MGAT4A: variants seen among roughly 807,000 people sequenced by gnomAD.
MGAT4A encodes alpha-1,3-mannosyl-glycoprotein 4-beta-N-acetylglucosaminyltransferase A, also known as N-acetylglucosaminyltransferase IVa.
MGAT4A carries 33 observed loss-of-function variants against 74.1 expected under a neutral mutation model. The ratio of observed to expected loss-of-function variants is 0.45; its 90% CI spans 0.34 to 0.60. The LOEUF is 0.60. Among genes scored for constraint, MGAT4A ranks in the 20% least tolerant of loss-of-function variants. The pLI is 0.02. For missense variants in MGAT4A, 479 were observed against 628.3 expected, an observed-to-expected ratio of 0.76 and a Z score of 2.54; for synonymous variants, 198 against 210.4, an observed-to-expected ratio of 0.94 and a Z score of 0.51.
chr2:98,658,561 G>A (rs545150895), intron 5 of MGAT4A, among the ~76,000 whole-genome samples: 1 of 152,216 alleles, frequency 6.6e-6, no homozygotes, highest in East Asian at 1.9e-4. Context: ...ATTGTGAATA[G>A]CATTAGTGAC....
Position 98,622,042 on chromosome 2 carries a change from C to T in MGAT4A, c.*3524G>A. 3 of 985,636 alleles carry T rather than the reference C, an allele frequency of 3.0e-6. No homozygotes were observed. The highest frequency in any genetic ancestry group is 3.6e-6 in the Non-Finnish European group (3 of 830,114). 61.1% of individuals were successfully genotyped at this position (985,636 alleles called of 1,614,324 possible). ...TCTGTTCTGACTACACAGTATGGTA[C>T]AGCGCGTGATGTGGAGAATGCATGA... On this transcript the variant is annotated 3_prime_UTR_variant, in exon 16 of 16. Transcript: ENST00000393487.
At chr2:98,688,129 A>G (rs1702151830) in intron 2 of MGAT4A, among the ~76,000 whole-genome samples, 1 of 152,118 alleles carries the variant, frequency 6.6e-6, no homozygotes, top group African/African-American at 2.4e-5. Context: ...CGCCGCACCC[A>G]AATTTAGCTA....
At position 98,623,907 on chromosome 2, in the gene MGAT4A, T is replaced by C; in HGVS notation, c.*1659A>G. Reference sequence around the variant, plus strand: ...GCTAGGCCCCAGCCAGTGGTCACTCTGAAAGCTCAGCAGAATCCATCTCTG... The same window carrying C: ...GCTAGGCCCCAGCCAGTGGTCACTCCGAAAGCTCAGCAGAATCCATCTCTG... On this transcript the variant is annotated 3_prime_UTR_variant, in exon 16 of 16. Coordinates refer to ENST00000393487, the MANE Select transcript of MGAT4A (RefSeq NM_012214.3). 1.0e-6 allele frequency: 1 copy of C among 985,474 alleles called. No individual in the cohort carries two copies. Among genetic ancestry groups the C allele is most frequent in the Non-Finnish European group, 1.2e-6 (1 of 829,968 alleles). The allele number at this position is 985,474 out of a possible 1,614,324, so 61.0% of individuals were successfully genotyped here.
chr2:98,700,053 C>T lies in MGAT4A; in HGVS notation c.95-21582G>A, dbSNP rs1702330058. Reference sequence around the variant, plus strand: ...CTTCTGCAAGCTATAACCAGATATCCTCTCATACCCAAACCTCATGATTCC... The same window carrying T: ...CTTCTGCAAGCTATAACCAGATATCTTCTCATACCCAAACCTCATGATTCC... On this transcript the variant is annotated intron_variant, in intron 2 of 15. Transcript: ENST00000393487. Among the ~76,000 whole-genome samples the T allele has an allele frequency of 2.0e-5, 3 of 152,074 alleles. No individual in the cohort carries two copies. In the South Asian group the frequency reaches 6.2e-4, roughly 32 times the overall value.
At position 98,644,005 on chromosome 2, in the gene MGAT4A, A is replaced by T; in HGVS notation, c.938T>A (p.Phe313Tyr). 1 of 1,606,090 alleles carries T rather than the reference A, an allele frequency of 6.2e-7. No individual in the cohort carries two copies. Among genetic ancestry groups the T allele is most frequent in the Non-Finnish European group, 8.5e-7 (1 of 1,174,326 alleles). ...AATGGGTTTCTCCTTGTAAAACATG[A>T]ATATGAATTCTACAATCAGAGTAAG... is the stretch of plus-strand genomic sequence containing the variant. ...PDLTLIVEFI[F>Y]MFYKEKPIDW... The change falls in exon 10 of 16, where the codon TTC (phenylalanine) becomes TAC (tyrosine). Residue 313 changes from phenylalanine (F) to tyrosine (Y), a missense_variant. Transcript: ENST00000393487.
intron 8 of MGAT4A, among the ~76,000 whole-genome samples, chr2:98,651,071 A>AAGAAAG (rs1701571549): frequency 6.6e-6 from 1 of 150,670 alleles, no homozygotes; most frequent in African/African-American, 2.4e-5. Flanking sequence ...TCTCAAAAAA[A>AAGAAAG]AAAGAAAGAA....
intron 2 of MGAT4A, among the ~76,000 whole-genome samples, chr2:98,683,046 C>A (rs1454268987): frequency 6.6e-6 from 1 of 151,646 alleles, no homozygotes; most frequent in Non-Finnish European, 1.5e-5. Flanking sequence ...CGAGATCGCG[C>A]CACTGCACTC....
intron 8 of MGAT4A, among the ~76,000 whole-genome samples, chr2:98,648,562 A>AG (rs1160022880): frequency 1.3e-5 from 2 of 151,784 alleles, no homozygotes; most frequent in Non-Finnish European, 2.9e-5. Context: ...AAGTAAAAAA[A>AG]AAAAAAATTA....
chr2:98,672,840 C>T (rs1292831532), intron 4 of MGAT4A, among the ~76,000 whole-genome samples: 1 of 152,044 alleles, frequency 6.6e-6, no homozygotes, highest in East Asian at 1.9e-4. Flanking sequence ...TCTAACGGAT[C>T]CTTTGATAAT....
intron 2 of MGAT4A, among the ~76,000 whole-genome samples, chr2:98,707,623 G>A (rs1217564735): frequency 1.3e-5 from 2 of 152,172 alleles, no homozygotes; most frequent in Non-Finnish European, 2.9e-5. Flanking sequence ...CCAGTCTCAT[G>A]AGAGCTAAAA....
rs182193794 is a variant in MGAT4A, at chr2:98,635,248, C to A, written c.1442G>T (p.Arg481Leu). The change falls in exon 14 of 16, where the codon CGA becomes CTA. Residue 481 changes from arginine to leucine, a missense_variant. Arg to Leu is a moderately radical substitution (Grantham distance 102, BLOSUM62 -2). Transcript: ENST00000393487. Reference protein sequence around the residue: ...LEISKETKDKRLEDGYFRIGK... With the variant: ...LEISKETKDKLLEDGYFRIGK... Reference sequence around the variant, plus strand: ...TATTCTGAAATAGCCATCTTCTAATCGTTTGTCTTTGGTTTCTTTGCTTAT... The same window carrying A: ...TATTCTGAAATAGCCATCTTCTAATAGTTTGTCTTTGGTTTCTTTGCTTAT... 3.7e-6 allele frequency: 6 copies of A among 1,609,332 alleles called. No homozygotes were observed. Among genetic ancestry groups the A allele is most frequent in the African/African-American group, 1.3e-5 (1 of 74,670 alleles).
chr2:98,702,477 G>C (rs1702367542), intron 2 of MGAT4A, among the ~76,000 whole-genome samples: 1 of 152,236 alleles, frequency 6.6e-6, no homozygotes, highest in Non-Finnish European at 1.5e-5. Flanking sequence ...ATCCCAGGTG[G>C]ACTGGAGGCT....
At chr2:98,665,201 C>A (rs1256394017) in intron 4 of MGAT4A, among the ~76,000 whole-genome samples, 2 of 151,690 alleles carry the variant, frequency 1.3e-5, no homozygotes, top group Non-Finnish European at 2.9e-5. Flanking sequence ...TGGTAGCGGG[C>A]GCCTGTAGTC....
At chr2:98,697,953 TA>T (rs1702300201) in intron 2 of MGAT4A, among the ~76,000 whole-genome samples, 1 of 152,328 alleles carries the variant, frequency 6.6e-6, no homozygotes, top group Admixed American at 6.5e-5. Context: ...GAGCGAATGT[TA>T]AAAAATTTTT....
intron 2 of MGAT4A, among the ~76,000 whole-genome samples, chr2:98,723,011 A>G (rs1702701991): frequency 6.6e-6 from 1 of 152,158 alleles, no homozygotes; most frequent in Non-Finnish European, 1.5e-5. Flanking sequence ...TCCATTCCAC[A>G]TAATTGGAAA....
intron 2 of MGAT4A, among the ~76,000 whole-genome samples, chr2:98,712,450 G>A (rs1299974075): frequency 6.6e-6 from 1 of 152,176 alleles, no homozygotes. Flanking sequence ...TGAAATAGTT[G>A]TGTACCAATA....
At chr2:98,652,363 C>G (rs1304668024) in intron 8 of MGAT4A, among the ~76,000 whole-genome samples, 1 of 143,608 alleles carries the variant, frequency 7.0e-6, no homozygotes, top group Non-Finnish European at 1.5e-5. Context: ...CAGAGTCTCA[C>G]TGTGTCGCCC....
chr2:98,647,426 T>C (rs879388045), intron 8 of MGAT4A, among the ~76,000 whole-genome samples: 65 of 152,334 alleles, frequency 4.3e-4, no homozygotes, highest in East Asian at 3.9e-4. Flanking sequence ...GTGATTCTCC[T>C]GCCTCAGCCT....
rs1701118079 is a variant in MGAT4A, at chr2:98,624,690, T to C, written c.*876A>G. 2 of 982,648 alleles carry C rather than the reference T, an allele frequency of 2.0e-6. No individual in the cohort carries two copies. The highest frequency in any genetic ancestry group is 2.4e-6 in the Non-Finnish European group (2 of 827,340). 60.9% of individuals were successfully genotyped at this position (982,648 alleles called of 1,614,324 possible). ...CAAAGATTAAAAAGGAAAGAAGAGT[T>C]TGTCATTTTACATATCAGAGGAAAT... On this transcript the variant is annotated 3_prime_UTR_variant, in exon 16 of 16. Coordinates refer to ENST00000393487, the MANE Select transcript of MGAT4A (RefSeq NM_012214.3).
Sources: allele counts gnomAD v4.1 joint callset (sites outside exome capture counted in the v4.1 genomes callset), GRCh38; gene constraint gnomAD v4.1.1; transcripts MANE v1.5; gene names NCBI Gene and HGNC (gene_info 2026-07-23, HGNC 2026-07-21).